The following PTGER3 variants were observed in gnomAD, a reference collection of about 807,000 sequenced individuals.
The protein encoded by PTGER3 is prostaglandin E receptor 3.
Under a neutral mutation model 34.7 loss-of-function variants are expected in PTGER3, and 22 were observed. The observed-to-expected ratio is 0.63, with a 90% CI of 0.45 to 0.91. The LOEUF is 0.91. PTGER3 is among the 40% of genes least tolerant of loss of function. The probability of loss-of-function intolerance (pLI) is 0.00; values close to 1 mark genes in which losing one functional copy is unlikely to be tolerated. For missense variants in PTGER3, 468 were observed against 519.4 expected, an observed-to-expected ratio of 0.90 and a Z score of 0.96; for synonymous variants, 241 against 230.1, an observed-to-expected ratio of 1.05 and a Z score of -0.43.
chr1:70,977,307 T>C (rs1167581305), intron 2 of PTGER3, among the ~76,000 whole-genome samples: 1 of 152,134 alleles, frequency 6.6e-6, no homozygotes, highest in African/African-American at 2.4e-5. Flanking sequence ...ATTTATGGTT[T>C]AGCTGAGGAT....
At chr1:70,852,842 A>C in exon 5 of PTGER3, 2 of 1,613,606 alleles carry the variant, frequency 1.2e-6, no homozygotes, top group Non-Finnish European at 1.7e-6. Context: ...GCAGGTTTTA[A>C]TTTCCCCAAA....
At chr1:70,948,301 A>T (rs1350083331), downstream of PTGER3, among the ~76,000 whole-genome samples, 1 of 152,064 alleles carries the variant, frequency 6.6e-6, no homozygotes, top group East Asian at 1.9e-4. Flanking sequence ...GTGAGGTCTC[A>T]TGAGATCTGA....
intron 4 of PTGER3, among the ~76,000 whole-genome samples, chr1:70,925,162 G>T (rs1044220445): frequency 6.6e-6 from 1 of 152,064 alleles, no homozygotes; most frequent in African/African-American, 2.4e-5. Flanking sequence ...CTGCCACCAT[G>T]CTTGGCTAAT....
At chr1:70,880,219 CTGG>C (rs1646360777) in intron 4 of PTGER3, among the ~76,000 whole-genome samples, 2 of 152,066 alleles carry the variant, frequency 1.3e-5, no homozygotes, top group South Asian at 4.1e-4. Context: ...TTTGTGGTGG[CTGG>C]TAACAGTCTT....
At chr1:70,866,663 T>C (rs1397568090) in intron 4 of PTGER3, among the ~76,000 whole-genome samples, 3 of 152,042 alleles carry the variant, frequency 2.0e-5, no homozygotes, top group Non-Finnish European at 4.4e-5. Flanking sequence ...CCTTGGGAAA[T>C]GGAAGAGGAA....
rs939628916 is a variant in PTGER3, at chr1:70,971,729, A to G, written c.*1T>C. On this transcript the variant is annotated 3_prime_UTR_variant, in exon 4 of 4. Transcript: ENST00000306666. ...ATAAAATGTCCAACTCCGTTCTTTC[A>G]TTATCTGTTAGAATAGAGAGAGAAA... 1.3e-6 allele frequency: 2 copies of G among 1,559,646 alleles called. No individual in the cohort carries two copies. Among genetic ancestry groups the G allele is most frequent in the Non-Finnish European group, 1.7e-6 (2 of 1,150,596 alleles).
chr1:71,017,937 GTA>G (rs1658058820), intron 1 of PTGER3, among the ~76,000 whole-genome samples: 1 of 152,130 alleles, frequency 6.6e-6, no homozygotes, highest in African/African-American at 2.4e-5. Flanking sequence ...GCTAATTTAT[GTA>G]TTTTTAGTAG....
At chr1:71,008,121 TTC>T in intron 2 of PTGER3, 5 of 980,450 alleles carry the variant, frequency 5.1e-6, no homozygotes, top group Non-Finnish European at 6.1e-6. Context: ...GTTACTTTCT[TTC>T]TGTGAAAGAA....
At chr1:71,000,863 A>G (rs1656407872) in intron 2 of PTGER3, among the ~76,000 whole-genome samples, 1 of 152,220 alleles carries the variant, frequency 6.6e-6, no homozygotes. Context: ...TATCATGAAA[A>G]TGCAAACATT....
intron 4 of PTGER3, among the ~76,000 whole-genome samples, chr1:70,924,526 A>G (rs559767539): frequency 8.5e-5 from 13 of 152,170 alleles, no homozygotes; most frequent in Non-Finnish European, 1.8e-4. Flanking sequence ...CTGTATGAGT[A>G]TTCTAATTGT....
In PTGER3 at chr1:70,963,596, C is replaced by T. The variant is rs148128157; in HGVS notation, c.1078-9807G>A. On this transcript the variant is annotated intron_variant, in intron 2 of 3. Transcript: ENST00000356595. ...GCGCCCTCCGAAGCCACTGCCTGAA[C>T]GGTACCTTGGCTCCCTCTAGCCATG... Among the ~76,000 whole-genome samples the T allele has an allele frequency of 2.6e-4, 39 of 152,290 alleles. No individual in the cohort carries two copies. In the East Asian group the frequency reaches 3.5e-3, roughly 14 times the overall value.
chr1:70,953,596 A>G (rs748004079), intron 3 of PTGER3, among the ~76,000 whole-genome samples: 14 of 152,162 alleles, frequency 9.2e-5, no homozygotes, highest in Non-Finnish European at 5.9e-5. Context: ...TGCTGCTGCT[A>G]CTATATATCC....
chr1:70,938,897 C>T (rs560563657), intron 4 of PTGER3, among the ~76,000 whole-genome samples: 1 of 152,080 alleles, frequency 6.6e-6, no homozygotes, highest in Non-Finnish European at 1.5e-5. Context: ...CCGGCCCCTC[C>T]AAATCTCATG....
At chr1:70,970,750 T>TC, downstream of PTGER3, 1 of 504,724 alleles carries the variant, frequency 2.0e-6, no homozygotes, top group Non-Finnish European at 2.6e-6. Flanking sequence ...TAACGGCATA[T>TC]CCGTTGAAAA....
At chr1:70,879,556 T>C (rs116052845) in intron 4 of PTGER3, among the ~76,000 whole-genome samples, 5,712 of 152,222 alleles carry the variant, frequency 0.038, 159 homozygotes, top group Non-Finnish European at 0.059. Context: ...CCTCCCTCTT[T>C]CTTTTTTGAT....
chr1:70,996,639 T>TATTTATTTATTTATTTA (rs1655978672), intron 2 of PTGER3, among the ~76,000 whole-genome samples: 1 of 122,752 alleles, frequency 8.1e-6, no homozygotes, highest in African/African-American at 3.0e-5. Flanking sequence ...TTTTTTGTAT[T>TATTTATTTATTTATTTA]TTTATTTATT....
At chr1:70,963,615 A>G (rs1253953850) in intron 2 of PTGER3, among the ~76,000 whole-genome samples, 1 of 152,106 alleles carries the variant, frequency 6.6e-6, no homozygotes, top group African/African-American at 2.4e-5. Context: ...GGCTCCCTCT[A>G]GCCATGGCTG....
intron 3 of PTGER3, among the ~76,000 whole-genome samples, chr1:70,973,192 TATAG>T (rs1557700208): frequency 2.0e-5 from 3 of 148,694 alleles, no homozygotes; most frequent in African/African-American, 2.5e-5. Context: ...GATACATAGA[TATAG>T]ATAGATGATA....
intron 4 of PTGER3, among the ~76,000 whole-genome samples, chr1:70,853,363 T>C (rs1645724911): frequency 6.6e-6 from 1 of 152,166 alleles, no homozygotes; most frequent in African/African-American, 2.4e-5. Context: ...TGGGAGGCAT[T>C]CTATAGAACA....
Sources: allele counts gnomAD v4.1 joint callset (sites outside exome capture counted in the v4.1 genomes callset), GRCh38; gene constraint gnomAD v4.1.1; transcripts MANE v1.5; gene names NCBI Gene and HGNC (gene_info 2026-07-23, HGNC 2026-07-21).